Variants in FRMD5 observed in about 807,000 individuals in gnomAD.
The protein encoded by FRMD5 is FERM domain-containing protein 5.
In FRMD5, 20 loss-of-function variants were observed where a neutral mutation model predicts 69.0. The observed-to-expected ratio is 0.29, with a 90% CI of 0.20 to 0.42. The LOEUF (loss-of-function observed/expected upper bound fraction) is 0.42, where lower values mean the gene tolerates loss of function less well. Ranked by LOEUF, FRMD5 falls within the 10% of genes least tolerant of loss-of-function variation. The probability of loss-of-function intolerance (pLI) is 1.00; values close to 1 mark genes in which losing one functional copy is unlikely to be tolerated. For synonymous variants in FRMD5, 271 were observed against 260.1 expected (o/e 1.04, Z -0.40); for missense variants, 595 against 708.6 (o/e 0.84, Z 1.82).
intron 6 of FRMD5, among the ~76,000 whole-genome samples, chr15:43,903,906 C>G (rs1314188200): frequency 1.3e-5 from 2 of 152,202 alleles, no homozygotes; most frequent in African/African-American, 4.8e-5. Flanking sequence ...TTGAAGGAAC[C>G]ATGAGGCCCC....
chr15:43,999,990 G>GCCATGCATATATATATATATATATATATA (rs1566889956), intron 1 of FRMD5, among the ~76,000 whole-genome samples: 1 of 28,914 alleles, frequency 3.5e-5, no homozygotes, highest in African/African-American at 1.3e-4. Flanking sequence ...ATATATATAT[G>GCCATGCATATATATATATATATATATATA]TGCCATGATT....
intron 1 of FRMD5, among the ~76,000 whole-genome samples, chr15:43,938,598 G>C (rs1489101377): frequency 1.3e-5 from 2 of 152,140 alleles, no homozygotes; most frequent in African/African-American, 4.8e-5. Flanking sequence ...CCCATTGCTT[G>C]AATTCTTTTC....
At chr15:44,006,623 C>T (rs114787337) in intron 1 of FRMD5, among the ~76,000 whole-genome samples, 1,802 of 152,164 alleles carry the variant, frequency 0.012, 28 homozygotes, top group African/African-American at 0.041. Context: ...AAATTATCAA[C>T]ATTAACAGGA....
At chr15:43,924,361 C>T (rs201062586) in intron 1 of FRMD5, 52 bp from the exon 2 acceptor site, 4 of 1,081,532 alleles carry the variant, frequency 3.7e-6, no homozygotes, top group Non-Finnish European at 2.7e-6. Context: ...TTCAGTGTAA[C>T]TTTTTTTTTT....
At chr15:44,144,489 T>A (rs1278758735) in intron 1 of FRMD5, among the ~76,000 whole-genome samples, 1 of 152,136 alleles carries the variant, frequency 6.6e-6, no homozygotes, top group Non-Finnish European at 1.5e-5. Flanking sequence ...CAGGACTCCA[T>A]GTGATACAAG....
intron 1 of FRMD5, among the ~76,000 whole-genome samples, chr15:43,984,335 A>G (rs1193631594): frequency 6.6e-6 from 1 of 152,182 alleles, no homozygotes; most frequent in Non-Finnish European, 1.5e-5. Flanking sequence ...CTTCTCCTCT[A>G]TACACTGCCT....
intron 1 of FRMD5, among the ~76,000 whole-genome samples, chr15:44,107,466 T>C (rs1224138501): frequency 6.6e-6 from 1 of 152,202 alleles, no homozygotes; most frequent in African/African-American, 2.4e-5. Context: ...ACAACTCCCA[T>C]CTTTTTATCT....
chr15:44,060,035 C>T (rs1425303221), intron 1 of FRMD5, among the ~76,000 whole-genome samples: 2 of 152,144 alleles, frequency 1.3e-5, no homozygotes, highest in Middle Eastern at 3.4e-3. Flanking sequence ...ACAATGTGTA[C>T]GACACAAAGG....
At chr15:44,054,573 T>C (rs1892793499) in intron 1 of FRMD5, among the ~76,000 whole-genome samples, 1 of 152,218 alleles carries the variant, frequency 6.6e-6, no homozygotes, top group South Asian at 2.1e-4. Context: ...CGCCAAAGAA[T>C]AGAATTATTC....
At chr15:44,001,583 T>C (rs2140175468) in intron 1 of FRMD5, among the ~76,000 whole-genome samples, 1 of 151,040 alleles carries the variant, frequency 6.6e-6, no homozygotes, top group African/African-American at 2.4e-5. Context: ...TTTTTGTGTA[T>C]GGCATAAGAT....
chr15:43,986,454 C>T (rs1279316956), intron 1 of FRMD5, among the ~76,000 whole-genome samples: 3 of 152,132 alleles, frequency 2.0e-5, no homozygotes, highest in African/African-American at 7.2e-5. Context: ...TTAGTGAAGG[C>T]AAACTAATCA....
At chr15:43,886,585 G>C (rs918233956) in intron 10 of FRMD5, among the ~76,000 whole-genome samples, 1 of 152,142 alleles carries the variant, frequency 6.6e-6, no homozygotes, top group African/African-American at 2.4e-5. Context: ...GGTGCCTATG[G>C]TACTGATCCA....
chr15:44,149,529 A>G lies in FRMD5; in HGVS notation c.102+45424T>C, dbSNP rs571826762. On this transcript the variant is annotated intron_variant, in intron 1 of 13. Coordinates refer to ENST00000417257, the MANE Select transcript of FRMD5 (RefSeq NM_032892.5). ...ACTATATGCTATCTATAGAAGACTC[A>G]CTTTAGATCCAAAGACACAAGTAGG... is the stretch of plus-strand genomic sequence containing the variant. 6.9e-4 allele frequency among the ~76,000 whole-genome samples: 105 copies of G among 152,302 alleles called. 3 individuals carry two copies. Among genetic ancestry groups the G allele is most frequent in the Admixed American group, 6.7e-3 (103 of 15,302 alleles).
intron 1 of FRMD5, among the ~76,000 whole-genome samples, chr15:43,949,967 C>A (rs754147980): frequency 9.9e-5 from 15 of 152,192 alleles, no homozygotes; most frequent in Non-Finnish European, 1.5e-4. Flanking sequence ...GAAGGGCACA[C>A]GTGTCAGGCA....
chr15:43,988,927 G>A (rs1341787741), intron 1 of FRMD5: 25 of 542,842 alleles, frequency 4.6e-5, no homozygotes, highest in African/African-American at 1.1e-4. Flanking sequence ...CACCATTCCA[G>A]TTTTTAAATC....
At chr15:43,947,438 T>C (rs1248303666) in intron 1 of FRMD5, among the ~76,000 whole-genome samples, 2 of 152,222 alleles carry the variant, frequency 1.3e-5, no homozygotes, top group Non-Finnish European at 2.9e-5. Context: ...TATCTTCCTA[T>C]AGTGTTTGGG....
chr15:43,933,793 A>G (rs1004089956), intron 1 of FRMD5, among the ~76,000 whole-genome samples: 10 of 152,170 alleles, frequency 6.6e-5, no homozygotes, highest in East Asian at 1.9e-4. Context: ...CGAGTCCCCA[A>G]TTACCATTTA....
At chr15:44,170,728 T>A (rs1319742542) in intron 1 of FRMD5, among the ~76,000 whole-genome samples, 3 of 151,990 alleles carry the variant, frequency 2.0e-5, no homozygotes, top group Non-Finnish European at 2.9e-5. Flanking sequence ...TTGATGGAGT[T>A]TTTTCCCTTA....
intron 1 of FRMD5, among the ~76,000 whole-genome samples, chr15:44,170,254 G>A (rs2077777525): frequency 1.3e-5 from 2 of 152,136 alleles, no homozygotes; most frequent in African/African-American, 4.8e-5. Flanking sequence ...GCCAGACATG[G>A]TGGCTCACAC....
Sources: allele counts gnomAD v4.1 joint callset (sites outside exome capture counted in the v4.1 genomes callset), GRCh38; gene constraint gnomAD v4.1.1; transcripts MANE v1.5; gene names NCBI Gene and HGNC (gene_info 2026-07-23, HGNC 2026-07-21).